The following ZEB1 variants were observed in gnomAD, a reference collection of about 807,000 sequenced individuals.
ZEB1 encodes the protein zinc finger E-box-binding homeobox 1.
Under a neutral mutation model 84.9 loss-of-function variants are expected in ZEB1, and 21 were observed. The observed-to-expected ratio is 0.25, with a 90% CI of 0.18 to 0.36. The LOEUF is 0.36. ZEB1 is among the 10% of genes least tolerant of loss of function. ZEB1 has a pLI of 1.00. For missense variants in ZEB1, 1,104 were observed against 1,330.2 expected (o/e 0.83, Z 2.65); for synonymous variants, 420 against 471.1 (o/e 0.89, Z 1.41).
chr10:31,398,024 A>G (rs1331933473), intron 1 of ZEB1, among the ~76,000 whole-genome samples: 3 of 152,192 alleles, frequency 2.0e-5, no homozygotes, highest in African/African-American at 7.2e-5. Flanking sequence ...TAAAGTCTGG[A>G]TTTGAAAGTG....
intron 1 of ZEB1, among the ~76,000 whole-genome samples, chr10:31,406,310 A>G (rs943687846): frequency 6.6e-6 from 1 of 152,156 alleles, no homozygotes; most frequent in Non-Finnish European, 1.5e-5. Context: ...ACTCCCACCA[A>G]CAGTGTAAAA....
intron 1 of ZEB1, among the ~76,000 whole-genome samples, chr10:31,362,404 A>AG (rs1488609760): frequency 1.2e-5 from 1 of 82,210 alleles, no homozygotes; most frequent in Non-Finnish European, 2.5e-5. Flanking sequence ...CCCAGAGTGT[A>AG]GGGGGGCCGG....
chr10:31,411,287 C>T (rs1048849915), intron 1 of ZEB1, among the ~76,000 whole-genome samples: 1 of 151,986 alleles, frequency 6.6e-6, no homozygotes, highest in African/African-American at 2.4e-5. Flanking sequence ...TAAATTAAGG[C>T]AGAAAAAAAT....
At chr10:31,369,661 T>C (rs1283807099) in intron 1 of ZEB1, among the ~76,000 whole-genome samples, 2 of 152,226 alleles carry the variant, frequency 1.3e-5, no homozygotes, top group Non-Finnish European at 2.9e-5. Context: ...ACAATGAACA[T>C]AGGAGTGCAG....
chr10:31,466,492 G>A (rs1312943064), intron 2 of ZEB1, among the ~76,000 whole-genome samples: 1 of 152,072 alleles, frequency 6.6e-6, no homozygotes, highest in Admixed American at 6.5e-5. Flanking sequence ...TGGAAATTAA[G>A]CAACACACTC....
chr10:31,361,424 T>A (rs2043044159), intron 1 of ZEB1, among the ~76,000 whole-genome samples: 1 of 152,222 alleles, frequency 6.6e-6, no homozygotes, highest in Non-Finnish European at 1.5e-5. Context: ...ATCTCCTTTT[T>A]TTAAATTAAA....
intron 1 of ZEB1, among the ~76,000 whole-genome samples, chr10:31,399,406 A>G (rs1286465944): frequency 6.6e-6 from 1 of 152,090 alleles, no homozygotes; most frequent in Admixed American, 6.5e-5. Context: ...CTGTCTTTTA[A>G]TCAGCCTTGG....
At position 31,328,912 on chromosome 10, in the gene ZEB1, G is replaced by A. The variant is rs1448626955; in HGVS notation, c.58+9620G>A. On this transcript the variant is annotated intron_variant, in intron 1 of 8. Coordinates refer to ENST00000424869, the MANE Select transcript of ZEB1 (RefSeq NM_001174096.2). ...CTCATATATCCATTTGGCTGGGAAT[G>A]TATTTAAGAAGATGGCTGTCTTACT... 1.1e-4 allele frequency among the ~76,000 whole-genome samples: 17 copies of A among 152,072 alleles called. 1 individual carries two copies. The highest frequency in any genetic ancestry group is 1.0e-3 in the Admixed American group (16 of 15,266).
chr10:31,403,290 T>A (rs1340663367), intron 1 of ZEB1, among the ~76,000 whole-genome samples: 1 of 152,074 alleles, frequency 6.6e-6, no homozygotes, highest in East Asian at 1.9e-4. Context: ...TGATACTTAA[T>A]AAAGAGTAAC....
At chr10:31,412,328 G>A (rs1324740124) in intron 1 of ZEB1, among the ~76,000 whole-genome samples, 1 of 152,046 alleles carries the variant, frequency 6.6e-6, no homozygotes, top group Non-Finnish European at 1.5e-5. Flanking sequence ...TGTTACATAT[G>A]TATAAATGGC....
chr10:31,507,787 A>G (rs929040037), intron 4 of ZEB1, among the ~76,000 whole-genome samples: 1 of 151,768 alleles, frequency 6.6e-6, no homozygotes, highest in East Asian at 1.9e-4. Flanking sequence ...CTTAGCTTTT[A>G]TAAGATCATT....
chr10:31,429,461 A>T (rs545496944), intron 1 of ZEB1, among the ~76,000 whole-genome samples: 2 of 152,134 alleles, frequency 1.3e-5, no homozygotes, highest in Non-Finnish European at 2.9e-5. Flanking sequence ...ATGTTCTCAC[A>T]TGTTAAGTAG....
intron 1 of ZEB1, among the ~76,000 whole-genome samples, chr10:31,356,181 A>G (rs1196998909): frequency 6.6e-6 from 1 of 152,154 alleles, no homozygotes; most frequent in East Asian, 1.9e-4. Context: ...TATAAATATA[A>G]TTTAGAAAAC....
chr10:31,345,882 C>T (rs192737062), intron 1 of ZEB1, among the ~76,000 whole-genome samples: 1 of 152,012 alleles, frequency 6.6e-6, no homozygotes, highest in Non-Finnish European at 1.5e-5. Context: ...TCCAAAGATG[C>T]CTTACCACCT....
intron 1 of ZEB1, among the ~76,000 whole-genome samples, chr10:31,342,732 A>T (rs2039623716): frequency 6.6e-6 from 1 of 152,138 alleles, no homozygotes; most frequent in Admixed American, 6.6e-5. Context: ...TTGAGGTTAG[A>T]TCTGGTTTGC....
intron 1 of ZEB1, among the ~76,000 whole-genome samples, chr10:31,456,194 G>A (rs1287382773): frequency 1.3e-5 from 2 of 152,248 alleles, no homozygotes; most frequent in East Asian, 3.9e-4. Context: ...ACTCATGGGT[G>A]GGAGTTGAAC....
intron 1 of ZEB1, among the ~76,000 whole-genome samples, chr10:31,368,657 G>A (rs527507935): frequency 1.1e-4 from 16 of 152,022 alleles, no homozygotes; most frequent in Middle Eastern, 6.8e-3. Context: ...AGTAAAACTC[G>A]TTAAGCATTT....
At chr10:31,363,932 C>A in intron 1 of ZEB1, 1 of 1,309,136 alleles carries the variant, frequency 7.6e-7, no homozygotes, top group Non-Finnish European at 9.8e-7. Context: ...GGTGCAGGAG[C>A]TGCAGGGTGA....
intron 1 of ZEB1, among the ~76,000 whole-genome samples, chr10:31,357,524 C>T (rs527239326): frequency 1.3e-5 from 2 of 152,176 alleles, no homozygotes; most frequent in South Asian, 4.1e-4. Flanking sequence ...AAGAAGAGGT[C>T]ATATTGGTAC....
Sources: gnomAD v4.1 joint callset for allele counts (sites outside exome capture counted in the v4.1 genomes callset) on GRCh38, gnomAD v4.1.1 for gene constraint, MANE v1.5 for transcripts, NCBI Gene and HGNC (gene_info 2026-07-23, HGNC 2026-07-21) for gene names.